The following DYNC2H1 variants were observed in gnomAD, a reference collection of about 807,000 sequenced individuals.
The protein encoded by DYNC2H1 is cytoplasmic dynein 2 heavy chain 1.
DYNC2H1 carries 410 observed loss-of-function variants against 570.0 expected under a neutral mutation model. The observed-to-expected ratio is 0.72, with a 90% CI of 0.66 to 0.78. The LOEUF (loss-of-function observed/expected upper bound fraction) is 0.78. Ranked by LOEUF, DYNC2H1 falls within the 30% of genes least tolerant of loss-of-function variation. The pLI is 0.00. For missense variants in DYNC2H1, 4,865 were observed against 5,046.4 expected, an observed-to-expected ratio of 0.96 and a Z score of 1.09; for synonymous variants, 1,688 against 1,677.6, an observed-to-expected ratio of 1.01 and a Z score of -0.15.
intron 85 of DYNC2H1, among the ~76,000 whole-genome samples, chr11:103,451,692 A>G (rs937929661): frequency 2.0e-5 from 3 of 152,082 alleles, no homozygotes; most frequent in African/African-American, 7.2e-5. Flanking sequence ...ACAGTGTACC[A>G]GTATATACTC....
At chr11:103,195,081 A>G (rs1416344339) in intron 47 of DYNC2H1, among the ~76,000 whole-genome samples, 1 of 152,150 alleles carries the variant, frequency 6.6e-6, no homozygotes, top group African/African-American at 2.4e-5. Context: ...CCTTTGTTGG[A>G]TATATGGTTT....
chr11:103,324,706 A>G lies in DYNC2H1; in HGVS notation c.12039+716A>G, dbSNP rs1267682771. ...ATATGTCTTTATGGTAGAACCATTT[A>G]TATTCCTTTGAGTATATACCCAATA... is the stretch of plus-strand genomic sequence containing the variant. On this transcript the variant is annotated intron_variant, in intron 82 of 88. Coordinates refer to ENST00000375735, the MANE Select transcript of DYNC2H1 (RefSeq NM_001377.3). The surrounding 1 kb of genome is among the most constrained non-coding windows in gnomAD (Gnocchi z 5.2). Among the ~76,000 whole-genome samples the G allele has an allele frequency of 6.6e-6, 1 of 152,184 alleles. No homozygotes were observed. Among genetic ancestry groups the G allele is most frequent in the Non-Finnish European group, 1.5e-5 (1 of 68,032 alleles).
intron 67 of DYNC2H1, 30 bp downstream of exon 67, chr11:103,255,564 T>A (rs780052150): frequency 6.7e-7 from 1 of 1,503,456 alleles, no homozygotes; most frequent in African/African-American, 1.4e-5. Context: ...GGTTACTTTT[T>A]TCGTATTACT....
chr11:103,173,873 C>T (rs1018867534), intron 35 of DYNC2H1, among the ~76,000 whole-genome samples, 182 bp from the exon 36 acceptor site: 2 of 152,080 alleles, frequency 1.3e-5, no homozygotes, highest in African/African-American at 2.4e-5. Flanking sequence ...CCTTGAGAAC[C>T]GTCCATCTTT....
intron 85 of DYNC2H1, among the ~76,000 whole-genome samples, chr11:103,444,287 A>G (rs1194347320): frequency 6.6e-6 from 1 of 151,984 alleles, no homozygotes; most frequent in Non-Finnish European, 1.5e-5. Context: ...AACACATAGT[A>G]ATGATTCAGA....
intron 84 of DYNC2H1, among the ~76,000 whole-genome samples, chr11:103,409,104 TCTAATACTGGTAATGCTAGAGGTGG>T (rs1200056452): frequency 6.6e-6 from 1 of 152,074 alleles, no homozygotes; most frequent in African/African-American, 2.4e-5. Flanking sequence ...TGGGGACATG[TCTAATACTGGTAATGCTAGAGGTGG>T]TGTTTTTGGT....
intron 70 of DYNC2H1, among the ~76,000 whole-genome samples, chr11:103,270,919 G>A (rs2135306923): frequency 6.6e-6 from 1 of 152,166 alleles, no homozygotes; most frequent in African/African-American, 2.4e-5. Context: ...CTTACTTCTT[G>A]GAATTAATAT....
chr11:103,345,717 C>G lies in DYNC2H1; in HGVS notation c.12040-12526C>G, dbSNP rs371677676. Among the ~76,000 whole-genome samples, 251 of 152,108 alleles carry G rather than the reference C, an allele frequency of 1.7e-3. 3 individuals carry two copies. Among genetic ancestry groups the G allele is most frequent in the African/African-American group, 5.4e-3 (226 of 41,496 alleles). ...GGGAGGTAGCTGGGGTGGAGGTGGA[C>G]TAGGTCATAAGTCTTGTGAGCCATG... is the stretch of plus-strand genomic sequence containing the variant. On this transcript the variant is annotated intron_variant, in intron 82 of 88. Coordinates refer to ENST00000375735, the MANE Select transcript of DYNC2H1 (RefSeq NM_001377.3).
chr11:103,414,082 A>T (rs1439441132), intron 84 of DYNC2H1, among the ~76,000 whole-genome samples: 1 of 152,168 alleles, frequency 6.6e-6, no homozygotes, highest in Non-Finnish European at 1.5e-5. Context: ...CAATGATAAA[A>T]ATGAAAGTAC....
Position 103,186,204 on chromosome 11 carries a change from G to C in DYNC2H1, c.6634-38G>C. Reference sequence around the variant, plus strand: ...GAATTTTAAAATGTCACACACTCTGGAGTATGTGAAAACTTATCACAATTT... The same window carrying C: ...GAATTTTAAAATGTCACACACTCTGCAGTATGTGAAAACTTATCACAATTT... On this transcript the variant is annotated intron_variant, in intron 41 of 88. Coordinates refer to ENST00000375735, the MANE Select transcript of DYNC2H1 (RefSeq NM_001377.3). The surrounding 1 kb of genome is among the most constrained non-coding windows in gnomAD (Gnocchi z 4.5). 1 of 1,582,738 alleles carries C rather than the reference G, an allele frequency of 6.3e-7. No individual in the cohort carries two copies.
At position 103,395,764 on chromosome 11, in the gene DYNC2H1, G is replaced by A. The variant is rs1942372876; in HGVS notation, c.12157-3899G>A. On this transcript the variant is annotated intron_variant, in intron 83 of 88. Coordinates refer to ENST00000375735, the MANE Select transcript of DYNC2H1 (RefSeq NM_001377.3). The surrounding 1 kb of genome is among the most constrained non-coding windows in gnomAD (Gnocchi z 4.3). ...CATTAGTTAAGCCCCAATTCAAGTT[G>A]CAAATTAATTTGTGGAACTGAGTTG... 6.6e-6 allele frequency among the ~76,000 whole-genome samples: 1 copy of A among 152,096 alleles called. No individual in the cohort carries two copies. The highest frequency in any genetic ancestry group is 2.4e-5 in the African/African-American group (1 of 41,410).
chr11:103,226,137 A>G (rs555580578), intron 59 of DYNC2H1, among the ~76,000 whole-genome samples: 1 of 152,272 alleles, frequency 6.6e-6, no homozygotes, highest in African/African-American at 2.4e-5. Flanking sequence ...GTTTCTAGGT[A>G]TATAATAGTA....
chr11:103,258,189 G>A (rs1038930248), intron 69 of DYNC2H1, among the ~76,000 whole-genome samples: 5 of 152,150 alleles, frequency 3.3e-5, no homozygotes, highest in African/African-American at 1.2e-4. Context: ...CTAATGGAGG[G>A]AAGTATGTAT....
chr11:103,281,340 C>G (rs927705763), intron 71 of DYNC2H1, among the ~76,000 whole-genome samples: 2 of 151,934 alleles, frequency 1.3e-5, no homozygotes, highest in South Asian at 2.1e-4. Context: ...TCACTATGAT[C>G]AGTATGTTCC....
In DYNC2H1 at chr11:103,244,532, CTTGCATATATGCAAATCATTTATGGT is replaced by C. The variant is rs2135228161; in HGVS notation, c.9919-713_9919-688del. Among the ~76,000 whole-genome samples, 1 of 148,954 alleles carries C rather than the reference CTTGCATATATGCAAATCATTTATGGT, an allele frequency of 6.7e-6. No individual in the cohort carries two copies. The highest frequency in any genetic ancestry group is 2.4e-5 in the African/African-American group (1 of 40,966). On this transcript the variant is annotated intron_variant, in intron 64 of 88. Transcript: ENST00000375735. This position sits in a 1 kb window ranked among gnomAD's most constrained non-coding sequence, Gnocchi z 4.3. ...AAAATACTTTAATAATCATTTATGG[CTTGCATATATGCAAATCATTTATGGT>C]TTGCAATATTATATATAACTATATA... is the stretch of plus-strand genomic sequence containing the variant.
At chr11:103,290,180 T>C (rs564823639) in intron 75 of DYNC2H1, among the ~76,000 whole-genome samples, 2 of 152,226 alleles carry the variant, frequency 1.3e-5, no homozygotes, top group South Asian at 2.1e-4. Context: ...CTTCAACATA[T>C]CTTTTTTTTT....
intron 83 of DYNC2H1, among the ~76,000 whole-genome samples, chr11:103,398,863 AGATAT>A (rs1467709926): frequency 1.3e-5 from 2 of 152,116 alleles, no homozygotes; most frequent in Admixed American, 6.5e-5. Context: ...ATAAATACTA[AGATAT>A]AATGTTCACT....
At chr11:103,192,824 C>T (rs1027893164) in intron 47 of DYNC2H1, among the ~76,000 whole-genome samples, 25 of 152,260 alleles carry the variant, frequency 1.6e-4, no homozygotes, top group African/African-American at 5.8e-4. Context: ...ATATGAAAGT[C>T]ATCCTTGTGA....
Position 103,181,740 on chromosome 11 carries a change from T to C in DYNC2H1, c.6348-17T>C. ...ATTTCTTCCTAAGTAATTTTTTATT[T>C]GTCTAAACTGTTTCAGTGATGAAGA... On this transcript the variant is annotated splice_polypyrimidine_tract_variant and intron_variant, in intron 39 of 88. Transcript: ENST00000375735. This position sits in a 1 kb window ranked among gnomAD's most constrained non-coding sequence, Gnocchi z 5.0. 1 of 1,521,614 alleles carries C rather than the reference T, an allele frequency of 6.6e-7. No individual in the cohort carries two copies. The highest frequency in any genetic ancestry group is 8.8e-7 in the Non-Finnish European group (1 of 1,137,222). The allele number at this position is 1,521,614 out of a possible 1,614,324, so 94.3% of individuals were successfully genotyped here. A position where few individuals can be genotyped will look rare whatever the true frequency, so the allele number is the denominator to read the frequency against.
Sources: gnomAD v4.1 joint callset for allele counts (sites outside exome capture counted in the v4.1 genomes callset) on GRCh38, gnomAD v4.1.1 for gene constraint, Gnocchi (gnomAD v3.1) non-coding constraint, MANE v1.5 for transcripts, NCBI Gene and HGNC (gene_info 2026-07-23, HGNC 2026-07-21) for gene names.